Variants in PIK3AP1 observed in about 807,000 individuals in gnomAD.
The protein encoded by PIK3AP1 is phosphoinositide 3-kinase adapter protein 1.
In PIK3AP1, 21 loss-of-function variants were observed where a neutral mutation model predicts 88.1. The observed-to-expected ratio is 0.24, with a 90% CI of 0.17 to 0.34. The LOEUF is 0.34. Ranked by LOEUF, PIK3AP1 falls within the 10% of genes least tolerant of loss-of-function variation. The pLI is 1.00. For missense variants in PIK3AP1, 828 were observed against 1,035.7 expected (o/e 0.80, Z 2.75); for synonymous variants, 398 against 400.0 (o/e 1.00, Z 0.06).
At chr10:96,637,748 CTCAAGGTAGGCAGGCA>C (rs1247713833) in intron 8 of PIK3AP1, among the ~76,000 whole-genome samples, 1 of 152,104 alleles carries the variant, frequency 6.6e-6, no homozygotes, top group Non-Finnish European at 1.5e-5. Context: ...AAGATCCACC[CTCAAGGTAGGCAGGCA>C]TCATCTAATC....
At chr10:96,675,965 C>T (rs552644345) in intron 2 of PIK3AP1, among the ~76,000 whole-genome samples, 1 of 152,316 alleles carries the variant, frequency 6.6e-6, no homozygotes, top group South Asian at 2.1e-4. Context: ...TATCACAATT[C>T]AAACAACCAA....
chr10:96,620,171 T>C (rs3748235), intron 12 of PIK3AP1, among the ~76,000 whole-genome samples, 181 bp downstream of exon 12: 88,086 of 151,980 alleles, frequency 0.58, 26,796 homozygotes, highest in East Asian at 0.83. Context: ...CAGGGAGCCA[T>C]GTGGTTACAG....
intron 3 of PIK3AP1, among the ~76,000 whole-genome samples, chr10:96,653,727 A>G (rs945870898): frequency 6.6e-6 from 1 of 152,066 alleles, no homozygotes; most frequent in Non-Finnish European, 1.5e-5. Flanking sequence ...ACCTCAGGTG[A>G]TCTGTCTGCC....
At position 96,709,950 on chromosome 10, in the gene PIK3AP1, T is replaced by C; in HGVS notation, c.47A>G (p.Tyr16Cys). The C allele has an allele frequency of 6.2e-7, 1 of 1,600,414 alleles. No homozygotes were observed. The highest frequency in any genetic ancestry group is 1.7e-4 in the Middle Eastern group (1 of 6,020). ...GCACCATTCCTCGGCATCCGGGCTG[T>C]AGACGATGAGGATGTCGCATCCTCT... ...VPRGCDILIV[Y>C]SPDAEEWCQY... The change falls in exon 2 of 17, where the codon TAC becomes TGC. Residue 16 changes from tyrosine to cysteine, a missense_variant. Coordinates refer to ENST00000339364, the MANE Select transcript of PIK3AP1 (RefSeq NM_152309.3).
At chr10:96,707,414 T>A (rs1270562291) in intron 2 of PIK3AP1, among the ~76,000 whole-genome samples, 1 of 152,136 alleles carries the variant, frequency 6.6e-6, no homozygotes, top group Middle Eastern at 3.2e-3. Flanking sequence ...TGCCTCAGCC[T>A]CCCGAGTAGC....
Position 96,709,813 on chromosome 10 carries a change from G to A in PIK3AP1, c.184C>T (p.Leu62Phe). 6.2e-7 allele frequency: 1 copy of A among 1,613,836 alleles called. No individual in the cohort carries two copies. The highest frequency in any genetic ancestry group is 8.5e-7 in the Non-Finnish European group (1 of 1,179,778). Residue 62 changes from leucine to phenylalanine, a missense_variant, in exon 2 of 17, where the codon CTC (leucine) becomes TTC (phenylalanine). By Grantham distance (22) the Leu-to-Phe change is conservative. This residue lies in a region of PIK3AP1 where 610 missense variants were observed against 760.1 expected (regional missense o/e 0.80). Transcript: ENST00000339364. ...AGCACCACGACACAGCGGGTGCTGA[G>A]GAAAAGGCTTAGGTCCTCTGCCGAG... ...SFSAEDLSLF[L>F]STRCVVVLLS...
intron 7 of PIK3AP1, among the ~76,000 whole-genome samples, chr10:96,646,967 C>G (rs751741128): frequency 3.3e-5 from 5 of 152,126 alleles, no homozygotes; most frequent in Non-Finnish European, 5.9e-5. Flanking sequence ...AGTTTCCTCA[C>G]GAGACCCAAT....
intron 8 of PIK3AP1, among the ~76,000 whole-genome samples, chr10:96,632,087 T>C (rs912178139): frequency 1.3e-5 from 2 of 152,008 alleles, no homozygotes; most frequent in African/African-American, 4.8e-5. Flanking sequence ...ACAAAATAAC[T>C]GATCAGTGCT....
chr10:96,669,391 G>A (rs6584098), intron 2 of PIK3AP1: 61,560 of 152,040 alleles, frequency 0.4, 13,539 homozygotes, highest in African/African-American at 0.57. Context: ...CATCTGCCAC[G>A]TTCTAGCACT....
Position 96,602,201 on chromosome 10 carries a change from C to A in PIK3AP1, c.2360+79G>T. ...CCCAGCTCTGCGCTTATTCTTTAGTCATCTTAGGTGTTTCCAAGTCCTATT... is the reference window on the plus strand; with the variant it reads ...CCCAGCTCTGCGCTTATTCTTTAGTAATCTTAGGTGTTTCCAAGTCCTATT... On this transcript the variant is annotated intron_variant, in intron 16 of 16. Coordinates refer to ENST00000339364, the MANE Select transcript of PIK3AP1 (RefSeq NM_152309.3). 3.3e-6 allele frequency: 4 copies of A among 1,201,110 alleles called. No homozygotes were observed. The Admixed American group carries it at 8.5e-5, about 25-fold the overall frequency. The allele number at this position is 1,201,110 out of a possible 1,614,324, so 74.4% of individuals were successfully genotyped here.
intron 16 of PIK3AP1, among the ~76,000 whole-genome samples, chr10:96,600,508 A>G (rs553514451): frequency 6.6e-6 from 1 of 152,312 alleles, no homozygotes; most frequent in Admixed American, 6.5e-5. Context: ...CTTCCAGTCT[A>G]CACCAGGAAA....
intron 7 of PIK3AP1, among the ~76,000 whole-genome samples, chr10:96,646,042 C>T (rs1843455272): frequency 6.6e-6 from 1 of 152,126 alleles, no homozygotes. Flanking sequence ...AGTGGATCAC[C>T]TGAGGTCAGG....
At chr10:96,715,653 G>C (rs1051673072) in intron 1 of PIK3AP1, among the ~76,000 whole-genome samples, 1 of 152,160 alleles carries the variant, frequency 6.6e-6, no homozygotes, top group Non-Finnish European at 1.5e-5. Context: ...CACTCTGGGA[G>C]GCCAAGGCGG....
intron 10 of PIK3AP1, 25 bp from the exon 11 acceptor site, chr10:96,623,562 T>A: frequency 6.4e-7 from 1 of 1,558,664 alleles, no homozygotes; most frequent in Non-Finnish European, 8.8e-7. Flanking sequence ...ATATTCTGAT[T>A]ACTGAAAAAG....
At chr10:96,633,124 G>A in intron 8 of PIK3AP1, 1 of 1,491,048 alleles carries the variant, frequency 6.7e-7, no homozygotes, top group Non-Finnish European at 9.0e-7. Context: ...CACCATGAGA[G>A]GTATGCCAGA....
chr10:96,628,288 A>G (rs1429719025), intron 9 of PIK3AP1, 110 bp downstream of exon 9: 2 of 923,642 alleles, frequency 2.2e-6, no homozygotes, highest in Admixed American at 1.7e-5. Context: ...CATGCCATGT[A>G]TGCAGCAGCC....
chr10:96,720,441 C>T lies in PIK3AP1; in HGVS notation c.-47G>A. The stretch of plus-strand genomic sequence containing the variant: ...CCCTGGCTCGCTGCGTGCCCGGGGC[C>T]GGGACCGGGGCCGGCGGCGTCCTGG... On this transcript the variant is annotated 5_prime_UTR_variant, in exon 1 of 17. Coordinates refer to ENST00000339364, the MANE Select transcript of PIK3AP1 (RefSeq NM_152309.3). The surrounding 1 kb of genome is among the most constrained non-coding windows in gnomAD (Gnocchi z 4.6). 8.2e-7 allele frequency: 1 copy of T among 1,223,530 alleles called. No homozygotes were observed. Among genetic ancestry groups the T allele is most frequent in the Middle Eastern group, 3.1e-4 (1 of 3,186 alleles). The allele number at this position is 1,223,530 out of a possible 1,614,324, so 75.8% of individuals were successfully genotyped here.
intron 2 of PIK3AP1, among the ~76,000 whole-genome samples, chr10:96,673,505 C>A (rs547564923): frequency 2.0e-5 from 3 of 152,204 alleles, no homozygotes; most frequent in Admixed American, 6.5e-5. Flanking sequence ...CAGCCCCCCC[C>A]GAAAGGCTTC....
chr10:96,706,376 T>A (rs945581474), intron 2 of PIK3AP1, among the ~76,000 whole-genome samples: 6 of 152,198 alleles, frequency 3.9e-5, no homozygotes, highest in Non-Finnish European at 4.4e-5. Flanking sequence ...GAGTATTTTT[T>A]AAAAAGATGG....
Sources: allele counts gnomAD v4.1 joint callset (sites outside exome capture counted in the v4.1 genomes callset), GRCh38; gene constraint gnomAD v4.1.1; regional missense constraint gnomAD v4.1.1; non-coding constraint Gnocchi (gnomAD v3.1); transcripts MANE v1.5; gene names NCBI Gene and HGNC (gene_info 2026-07-23, HGNC 2026-07-21).